Variants in CDC16 observed in about 807,000 individuals in gnomAD.
CDC16 encodes cell division cycle protein 16 homolog.
CDC16 carries 34 observed loss-of-function variants against 87.0 expected under a neutral mutation model. The observed-to-expected ratio is 0.39, with a 90% CI of 0.30 to 0.52. CDC16 has a LOEUF of 0.52. Among genes scored for constraint, CDC16 ranks in the 20% least tolerant of loss-of-function variants. The pLI is 0.74. For missense variants in CDC16, 653 were observed against 751.9 expected, an observed-to-expected ratio of 0.87 and a Z score of 1.54; for synonymous variants, 263 against 260.6, an observed-to-expected ratio of 1.01 and a Z score of -0.09.
At position 114,246,049 on chromosome 13, in the gene CDC16, T is replaced by A. The variant is rs758541666; in HGVS notation, c.897T>A (p.Pro299=). The A allele has an allele frequency of 1.7e-5, 24 of 1,402,282 alleles. No homozygotes were observed. The highest frequency in any genetic ancestry group is 2.0e-5 in the Non-Finnish European group (20 of 1,014,996). The allele number at this position is 1,402,282 out of a possible 1,614,324, so 86.9% of individuals were successfully genotyped here. Residue 299 remains proline, a splice_region_variant and synonymous_variant, in exon 10 of 18, where the codon CCT becomes CCA. Transcript: ENST00000356221. ...TGGTGGATTTATATCCTAGTAATCC[T>A]GTAAGTAATATAACTTTTAGTCTTA... ...HKLVDLYPSN[P]VSWFAVGCYY...
intron 12 of CDC16, among the ~76,000 whole-genome samples, chr13:114,256,721 T>C (rs1341844421): frequency 2.0e-5 from 3 of 152,124 alleles, no homozygotes; most frequent in Non-Finnish European, 4.4e-5. Context: ...GAAGGATAAA[T>C]GGTGGTGAGT....
intron 10 of CDC16, among the ~76,000 whole-genome samples, chr13:114,246,492 C>A (rs907349206): frequency 6.6e-6 from 1 of 152,212 alleles, no homozygotes; most frequent in African/African-American, 2.4e-5. Context: ...AAAATGGAAT[C>A]AGGGACTGCG....
chr13:114,254,701 G>C (rs1433948985), intron 12 of CDC16, among the ~76,000 whole-genome samples: 10 of 151,934 alleles, frequency 6.6e-5, no homozygotes, highest in Non-Finnish European at 1.5e-4. Context: ...TCATTTCTTC[G>C]TGTTGTAAAC....
intron 12 of CDC16, among the ~76,000 whole-genome samples, chr13:114,254,655 C>T (rs1211490106): frequency 6.6e-6 from 1 of 152,140 alleles, no homozygotes; most frequent in Non-Finnish European, 1.5e-5. Flanking sequence ...TTTATACTGT[C>T]TCATAATTAC....
At chr13:114,245,421 A>G (rs1283689958) in intron 9 of CDC16, among the ~76,000 whole-genome samples, 1 of 151,966 alleles carries the variant, frequency 6.6e-6, no homozygotes, top group African/African-American at 2.4e-5. Context: ...TTGTCCTTAA[A>G]TTTTTCTAAA....
At chr13:114,253,688 C>CA (rs373996893) in intron 12 of CDC16, among the ~76,000 whole-genome samples, 40,017 of 115,918 alleles carry the variant, frequency 0.35, 7,477 homozygotes, top group African/African-American at 0.58. Flanking sequence ...GACTCCATCT[C>CA]AAAAAAAAAA....
In CDC16 at chr13:114,243,288, C is replaced by A; in HGVS notation, c.573C>A (p.Ser191Arg). The A allele has an allele frequency of 1.3e-6, 2 of 1,584,228 alleles. No homozygotes were observed. Among genetic ancestry groups the A allele is most frequent in the Non-Finnish European group, 8.7e-7 (1 of 1,153,604 alleles). The change falls in exon 7 of 18, where the codon AGC (serine) becomes AGA (arginine). Residue 191 changes from serine (S) to arginine (R), a missense_variant. Transcript: ENST00000356221. Reference sequence around the variant, plus strand: ...AACTTCTTGAATCACTACCCCTTAGCAAGCTGTGTAATGAAGAACAGGAAT... The same window carrying A: ...AACTTCTTGAATCACTACCCCTTAGAAAGCTGTGTAATGAAGAACAGGAAT... ...EKELLESLPL[S>R]KLCNEEQELL... is the part of the protein sequence containing the mutation.
intron 17 of CDC16, among the ~76,000 whole-genome samples, chr13:114,267,049 A>C (rs576290831): frequency 6.6e-6 from 1 of 152,312 alleles, no homozygotes; most frequent in African/African-American, 2.4e-5. Flanking sequence ...TAGAAATATT[A>C]ATCTATAGAC....
At chr13:114,263,831 G>A (rs866771928) in intron 16 of CDC16, among the ~76,000 whole-genome samples, 14 of 152,108 alleles carry the variant, frequency 9.2e-5, no homozygotes, top group Admixed American at 6.5e-5. Flanking sequence ...AGTGTTCCTC[G>A]CATGGTTTGT....
chr13:114,251,874 T>C (rs2082197773), intron 12 of CDC16, among the ~76,000 whole-genome samples: 1 of 152,200 alleles, frequency 6.6e-6, no homozygotes, highest in Non-Finnish European at 1.5e-5. Flanking sequence ...CTAGCCCTAT[T>C]GGATGAGAAC....
At chr13:114,256,632 A>G (rs1405333316) in intron 12 of CDC16, among the ~76,000 whole-genome samples, 2 of 152,240 alleles carry the variant, frequency 1.3e-5, no homozygotes, top group African/African-American at 2.4e-5. Context: ...TATAATGGGA[A>G]TTCACAGAAG....
chr13:114,238,904 G>C, intron 3 of CDC16, 86 bp from the exon 4 acceptor site: 2 of 1,472,736 alleles, frequency 1.4e-6, no homozygotes, highest in Non-Finnish European at 1.8e-6. Context: ...TATGAAATTA[G>C]TTCTATTTTA....
intron 13 of CDC16, among the ~76,000 whole-genome samples, chr13:114,258,228 C>T (rs1162273879): frequency 6.6e-6 from 1 of 152,154 alleles, no homozygotes; most frequent in Non-Finnish European, 1.5e-5. Context: ...TCAGTATTTG[C>T]GAATTTGCCT....
chr13:114,247,665 G>A (rs997843484), intron 11 of CDC16, among the ~76,000 whole-genome samples: 2 of 152,068 alleles, frequency 1.3e-5, no homozygotes, highest in East Asian at 3.9e-4. Context: ...ATCACCTGAG[G>A]TCAGGAGTTC....
In CDC16 at chr13:114,234,987, G is replaced by T; in HGVS notation, c.-98G>T. 2 of 998,044 alleles carry T rather than the reference G, an allele frequency of 2.0e-6. No individual in the cohort carries two copies. Among genetic ancestry groups the T allele is most frequent in the Non-Finnish European group, 2.6e-6 (2 of 773,630 alleles). The allele number at this position is 998,044 out of a possible 1,614,324, so 61.8% of individuals were successfully genotyped here. A position where few individuals can be genotyped will look rare whatever the true frequency, so the allele number is the denominator to read the frequency against. ...CTTCGAGTCCTGGGGCGGCGGCGGC[G>T]GCTGCAGGCACGGGCACGGGCACGG... On this transcript the variant is annotated 5_prime_UTR_variant, in exon 1 of 18. Transcript: ENST00000356221.
At position 114,245,967 on chromosome 13, in the gene CDC16, A is replaced by G. The variant is rs2081846143; in HGVS notation, c.848-33A>G. On this transcript the variant is annotated intron_variant, in intron 9 of 17. Coordinates refer to ENST00000356221, the MANE Select transcript of CDC16 (RefSeq NM_001078645.3). ...ATGTCTTAAATTACATGTGATACGAACAATTGTTCTTTTTCTGCTTTTTCC... is the reference window on the plus strand; with the variant it reads ...ATGTCTTAAATTACATGTGATACGAGCAATTGTTCTTTTTCTGCTTTTTCC... 3 of 1,265,518 alleles carry G rather than the reference A, an allele frequency of 2.4e-6. No homozygotes were observed. In the Admixed American group the frequency reaches 6.2e-5, roughly 26 times the overall value. 78.4% of individuals were successfully genotyped at this position (1,265,518 alleles called of 1,614,324 possible).
At chr13:114,254,483 G>A (rs552715212) in intron 12 of CDC16, among the ~76,000 whole-genome samples, 14 of 152,078 alleles carry the variant, frequency 9.2e-5, no homozygotes, top group South Asian at 4.2e-4. Flanking sequence ...TTAATAGTAC[G>A]CCCAAACCTT....
chr13:114,243,233 C>T, intron 6 of CDC16, 24 bp from the exon 7 acceptor site: 1 of 1,064,354 alleles, frequency 9.4e-7, no homozygotes, highest in South Asian at 1.3e-5. Context: ...TGAGGATATT[C>T]TTTTTTTTCT....
intron 11 of CDC16, among the ~76,000 whole-genome samples, chr13:114,249,846 C>G (rs1252508521): frequency 6.6e-6 from 1 of 152,132 alleles, no homozygotes; most frequent in Admixed American, 6.5e-5. Flanking sequence ...ATGGGTTTTG[C>G]TACAGTGCAT....
Sources: allele counts gnomAD v4.1 joint callset (sites outside exome capture counted in the v4.1 genomes callset), GRCh38; gene constraint gnomAD v4.1.1; transcripts MANE v1.5; gene names NCBI Gene and HGNC (gene_info 2026-07-23, HGNC 2026-07-21).